Variants in DENND1B observed in about 807,000 individuals in gnomAD.
DENND1B encodes the protein DENN domain containing 1B.
DENND1B carries 59 observed loss-of-function variants against 90.1 expected under a neutral mutation model. That is an observed-to-expected ratio of 0.65 (90% CI 0.53 to 0.81). The LOEUF (loss-of-function observed/expected upper bound fraction) is 0.81, where lower values mean the gene tolerates loss of function less well. Among genes scored for constraint, DENND1B ranks in the 40% least tolerant of loss-of-function variants. The pLI is 0.00. For synonymous variants in DENND1B, 337 were observed against 324.6 expected (o/e 1.04, Z -0.41); for missense variants, 862 against 912.6 (o/e 0.94, Z 0.71).
chr1:197,577,862 T>C (rs1490277554), intron 15 of DENND1B, among the ~76,000 whole-genome samples: 1 of 152,180 alleles, frequency 6.6e-6, no homozygotes. Context: ...TCAAACTCAG[T>C]GATCTTTTAC....
intron 2 of DENND1B, among the ~76,000 whole-genome samples, chr1:197,756,530 C>T (rs927189017): frequency 6.0e-5 from 8 of 134,066 alleles, no homozygotes; most frequent in Admixed American, 1.8e-4. Flanking sequence ...GAGCCAAGAT[C>T]GCACCACTGC....
At chr1:197,758,819 T>C (rs1654634191) in intron 2 of DENND1B, among the ~76,000 whole-genome samples, 1 of 152,134 alleles carries the variant, frequency 6.6e-6, no homozygotes, top group African/African-American at 2.4e-5. Context: ...AGCATAAGTA[T>C]TAGTTTTATT....
chr1:197,770,416 A>T (rs1222269595), intron 2 of DENND1B, among the ~76,000 whole-genome samples: 1 of 152,008 alleles, frequency 6.6e-6, no homozygotes, highest in Non-Finnish European at 1.5e-5. Context: ...AGTGGAAAAG[A>T]GCAAAAAGAG....
At chr1:197,721,152 C>A (rs1661138246) in intron 2 of DENND1B, among the ~76,000 whole-genome samples, 1 of 144,972 alleles carries the variant, frequency 6.9e-6, no homozygotes, top group South Asian at 2.2e-4. Context: ...TCACTGCAAG[C>A]CCCACCTCCC....
chr1:197,635,687 T>C (rs1047779905), intron 10 of DENND1B, among the ~76,000 whole-genome samples: 1 of 152,264 alleles, frequency 6.6e-6, no homozygotes, highest in Admixed American at 6.5e-5. Flanking sequence ...GCTTGACATA[T>C]TCACTAATAT....
intron 13 of DENND1B, among the ~76,000 whole-genome samples, chr1:197,599,395 AAGAAG>A (rs947393552): frequency 6.6e-6 from 1 of 151,890 alleles, no homozygotes; most frequent in African/African-American, 2.4e-5. Context: ...CATCAGGGTA[AAGAAG>A]AGAAGATAAA....
At chr1:197,636,136 T>C (rs183355431) in intron 10 of DENND1B, among the ~76,000 whole-genome samples, 8 of 152,210 alleles carry the variant, frequency 5.3e-5, no homozygotes, top group Middle Eastern at 3.4e-3. Context: ...GAGTAACCAA[T>C]AGATTTTTTT....
intron 13 of DENND1B, among the ~76,000 whole-genome samples, chr1:197,597,683 C>T (rs1431981646): frequency 6.6e-6 from 1 of 151,764 alleles, no homozygotes; most frequent in Non-Finnish European, 1.5e-5. Context: ...ATGCCACAAG[C>T]CATTCCAAAC....
chr1:197,664,201 A>G (rs577226134), intron 5 of DENND1B, among the ~76,000 whole-genome samples: 1 of 152,184 alleles, frequency 6.6e-6, no homozygotes, highest in South Asian at 2.1e-4. Context: ...AATGTTTTTC[A>G]CTAAATTTTA....
At chr1:197,587,347 T>C (rs1476153435) in intron 14 of DENND1B, among the ~76,000 whole-genome samples, 1 of 152,136 alleles carries the variant, frequency 6.6e-6, no homozygotes, top group Non-Finnish European at 1.5e-5. Flanking sequence ...ATGAGATAAT[T>C]CTGACATGAG....
intron 3 of DENND1B, among the ~76,000 whole-genome samples, chr1:197,681,765 C>T (rs1381352015): frequency 2.0e-5 from 3 of 152,104 alleles, no homozygotes; most frequent in Non-Finnish European, 2.9e-5. Context: ...CTTGTAGACA[C>T]CAAACCACCA....
At chr1:197,762,586 C>A (rs964390721) in intron 2 of DENND1B, among the ~76,000 whole-genome samples, 6 of 152,146 alleles carry the variant, frequency 3.9e-5, no homozygotes, top group African/African-American at 1.4e-4. Context: ...TATTTAACAA[C>A]AATCCCTAAT....
At chr1:197,722,747 C>A (rs2102279732) in intron 2 of DENND1B, among the ~76,000 whole-genome samples, 1 of 152,194 alleles carries the variant, frequency 6.6e-6, no homozygotes, top group East Asian at 1.9e-4. Flanking sequence ...ATTTCAAGAT[C>A]TTTTACTTTA....
chr1:197,722,017 T>C (rs1661227605), intron 2 of DENND1B, among the ~76,000 whole-genome samples: 1 of 152,190 alleles, frequency 6.6e-6, no homozygotes, highest in Non-Finnish European at 1.5e-5. Flanking sequence ...TGGTAGTCCA[T>C]ATCTAAACAA....
At chr1:197,535,447 A>C (rs1011556042) in intron 20 of DENND1B, among the ~76,000 whole-genome samples, 56 of 152,330 alleles carry the variant, frequency 3.7e-4, no homozygotes, top group African/African-American at 1.1e-3. Context: ...TTCATTTATA[A>C]ATGAAGCACA....
chr1:197,579,993 C>A (rs1389482586), intron 15 of DENND1B, among the ~76,000 whole-genome samples: 2 of 150,352 alleles, frequency 1.3e-5, no homozygotes, highest in Admixed American at 1.3e-4. Context: ...TACTTAAAGT[C>A]TTTGCAAGTC....
chr1:197,624,537 A>C (rs897318432), intron 10 of DENND1B, among the ~76,000 whole-genome samples: 4 of 151,758 alleles, frequency 2.6e-5, no homozygotes, highest in African/African-American at 9.7e-5. Context: ...ACAACACCAA[A>C]GTCATGAACC....
intron 3 of DENND1B, among the ~76,000 whole-genome samples, chr1:197,714,475 T>A (rs1241431465): frequency 6.6e-6 from 1 of 152,064 alleles, no homozygotes; most frequent in Non-Finnish European, 1.5e-5. Flanking sequence ...GACTATAACA[T>A]AAAATGCAAA....
chr1:197,608,663 G>T (rs1400074557), intron 12 of DENND1B, among the ~76,000 whole-genome samples: 1 of 150,510 alleles, frequency 6.6e-6, no homozygotes, highest in Non-Finnish European at 1.5e-5. Flanking sequence ...TAAACCTGAT[G>T]TATTTGTTAA....
Sources: allele counts gnomAD v4.1 joint callset (sites outside exome capture counted in the v4.1 genomes callset), GRCh38; gene constraint gnomAD v4.1.1; transcripts MANE v1.5; gene names NCBI Gene and HGNC (gene_info 2026-07-23, HGNC 2026-07-21).